The following NR2C1 variants were observed in gnomAD, a reference collection of about 807,000 sequenced individuals.
NR2C1 encodes the protein nuclear receptor subfamily 2 group C member 1.
Under a neutral mutation model 74.8 loss-of-function variants are expected in NR2C1, and 33 were observed. The ratio of observed to expected loss-of-function variants is 0.44; its 90% CI spans 0.33 to 0.59. The LOEUF is 0.59. Among genes scored for constraint, NR2C1 ranks in the 20% least tolerant of loss-of-function variants. The pLI is 0.02. For missense variants in NR2C1, 568 were observed against 715.6 expected, an observed-to-expected ratio of 0.79 and a Z score of 2.35; for synonymous variants, 225 against 240.6, an observed-to-expected ratio of 0.94 and a Z score of 0.60.
intron 11 of NR2C1, chr12:95,030,270 G>A: frequency 3.9e-6 from 1 of 259,442 alleles, no homozygotes; most frequent in Admixed American, 5.2e-5. Flanking sequence ...CTCAAATTTT[G>A]GTAATAGGAT....
intron 11 of NR2C1, among the ~76,000 whole-genome samples, chr12:95,031,143 T>C (rs1870047657): frequency 1.3e-5 from 2 of 152,196 alleles, no homozygotes; most frequent in Admixed American, 6.5e-5. Context: ...AAGTATACTG[T>C]TTTCAATTTT....
At chr12:95,032,689 T>C (rs1044877372) in intron 10 of NR2C1, among the ~76,000 whole-genome samples, 3 of 152,056 alleles carry the variant, frequency 2.0e-5, no homozygotes, top group African/African-American at 2.4e-5. Flanking sequence ...TAGCTGGGGC[T>C]GGGCGCAGTA....
intron 9 of NR2C1, among the ~76,000 whole-genome samples, chr12:95,046,722 G>C (rs1872363675): frequency 2.6e-5 from 4 of 152,178 alleles, no homozygotes; most frequent in Admixed American, 2.6e-4. Flanking sequence ...ATTCAGCTCA[G>C]CAAGTAAGAA....
At chr12:95,064,159 C>G (rs374169310) in intron 2 of NR2C1, among the ~76,000 whole-genome samples, 28 of 147,568 alleles carry the variant, frequency 1.9e-4, no homozygotes, top group Admixed American at 4.8e-4. Flanking sequence ...GAAATCCCGT[C>G]TCTACTAAAA....
At chr12:95,057,955 T>A in intron 5 of NR2C1, 77 bp from the exon 6 acceptor site, 1 of 1,198,262 alleles carries the variant, frequency 8.3e-7, no homozygotes, top group Non-Finnish European at 1.2e-6. Flanking sequence ...TAGGTAAGCT[T>A]AATGCTGCTA....
chr12:95,029,411 T>C (rs1565833886), intron 11 of NR2C1, among the ~76,000 whole-genome samples: 1 of 152,106 alleles, frequency 6.6e-6, no homozygotes, highest in South Asian at 2.1e-4. Flanking sequence ...AAAAGTACTT[T>C]TAAAAAATGA....
chr12:95,069,255 G>C (rs898269820), intron 1 of NR2C1, among the ~76,000 whole-genome samples: 1 of 152,168 alleles, frequency 6.6e-6, no homozygotes, highest in African/African-American at 2.4e-5. Context: ...TGAAAACTTA[G>C]GGAGATAAAC....
intron 10 of NR2C1, among the ~76,000 whole-genome samples, chr12:95,039,356 C>T (rs1050145693): frequency 1.3e-5 from 2 of 152,112 alleles, no homozygotes; most frequent in East Asian, 3.8e-4. Flanking sequence ...AATTATTATT[C>T]CCATTTGGCA....
Position 95,022,413 on chromosome 12 carries a change from G to C in NR2C1, c.1638-10C>G. The C allele has an allele frequency of 6.3e-7, 1 of 1,587,276 alleles. No individual in the cohort carries two copies. Among genetic ancestry groups the C allele is most frequent in the South Asian group, 1.2e-5 (1 of 85,882 alleles). On this transcript the variant is annotated splice_polypyrimidine_tract_variant and intron_variant, in intron 13 of 13. Transcript: ENST00000333003. Reference sequence around the variant, plus strand: ...TAGTAGTCTGGATAACCTAAAAAAAGAAAGAAAAAAGGGAGAGGAACAAGG... The same window carrying C: ...TAGTAGTCTGGATAACCTAAAAAAACAAAGAAAAAAGGGAGAGGAACAAGG...
At chr12:95,057,984 A>G (rs2136178133) in intron 5 of NR2C1, 106 bp from the exon 6 acceptor site, 2 of 933,420 alleles carry the variant, frequency 2.1e-6, no homozygotes, top group South Asian at 1.7e-5. Context: ...CATGGCTACC[A>G]TACTAAACTC....
intron 10 of NR2C1, among the ~76,000 whole-genome samples, chr12:95,034,244 T>C (rs1421737260): frequency 6.6e-6 from 1 of 152,170 alleles, no homozygotes; most frequent in African/African-American, 2.4e-5. Flanking sequence ...CTCTTTTCCA[T>C]TCAGTATCCA....
chr12:95,064,328 C>CAAA (rs35375374), intron 2 of NR2C1, among the ~76,000 whole-genome samples: 35 of 107,954 alleles, frequency 3.2e-4, no homozygotes, highest in African/African-American at 1.1e-3. Flanking sequence ...GAGTCTGTCT[C>CAAA]AAAAAAAAAA....
chr12:95,040,088 C>T (rs1353855708), intron 10 of NR2C1, among the ~76,000 whole-genome samples: 1 of 151,888 alleles, frequency 6.6e-6, no homozygotes, highest in African/African-American at 2.4e-5. Context: ...CAAAATTCAG[C>T]TCTTTAGTAA....
intron 13 of NR2C1, among the ~76,000 whole-genome samples, chr12:95,024,297 T>G (rs1456571090): frequency 6.6e-6 from 1 of 152,214 alleles, no homozygotes; most frequent in Non-Finnish European, 1.5e-5. Flanking sequence ...TGTACATATA[T>G]TAACTGATTT....
In NR2C1 at chr12:95,067,076, T is replaced by TTTCC. The variant is rs201216692; in HGVS notation, c.54+251_54+254dup. ...ACTCACTCTACAGCTCTTTAATTTCTTTCCTTCCTTCCTTCCCTTCATTCC... is the reference window on the plus strand; with the variant it reads ...ACTCACTCTACAGCTCTTTAATTTCTTTCCTTCCTTCCTTCCTTCCCTTCATTCC... On this transcript the variant is annotated intron_variant, in intron 2 of 13. Coordinates refer to ENST00000333003, the MANE Select transcript of NR2C1 (RefSeq NM_003297.4). The TTTCC allele has an allele frequency of 4.3e-3, 2,268 of 521,550 alleles. 34 individuals carry two copies. The highest frequency in any genetic ancestry group is 0.041 in the African/African-American group (2,080 of 50,842). The allele number at this position is 521,550 out of a possible 1,614,324, so 32.3% of individuals were successfully genotyped here. A position where few individuals can be genotyped will look rare whatever the true frequency, so the allele number is the denominator to read the frequency against.
Position 95,025,212 on chromosome 12 carries a change from C to T in NR2C1, c.1575G>A (p.Gln525=), listed in dbSNP as rs776979510. The change falls in exon 13 of 14, where the codon CAG becomes CAA. Residue 525 remains glutamine (Q), a synonymous_variant. Coordinates refer to ENST00000333003, the MANE Select transcript of NR2C1 (RefSeq NM_003297.4). ...CTTGGAATTCCACATAAGCCTTTTC[C>T]TGAAATTTCTCTATCTGTTCCATGT... ...LENMEQIEKF[Q]EKAYVEFQDY... 6 of 1,607,178 alleles carry T rather than the reference C, an allele frequency of 3.7e-6. No homozygotes were observed. The Admixed American group carries it at 8.4e-5, about 22-fold the overall frequency.
chr12:95,063,561 G>A (rs762762302), intron 2 of NR2C1, among the ~76,000 whole-genome samples: 2 of 152,076 alleles, frequency 1.3e-5, no homozygotes, highest in Middle Eastern at 3.4e-3. Context: ...AAAGGAATCA[G>A]ACAGGCACAG....
At position 95,057,098 on chromosome 12, in the gene NR2C1, ATTTTTTT is replaced by A. The variant is rs1184465413; in HGVS notation, c.783+448_783+454del. Among the ~76,000 whole-genome samples the A allele has an allele frequency of 1.4e-3, 155 of 111,554 alleles. 1 individual carries two copies. Among genetic ancestry groups the A allele is most frequent in the African/African-American group, 4.6e-3 (135 of 29,196 alleles). 73.2% of individuals were successfully genotyped at this position (111,554 alleles called of 152,430 possible). ...CCTAGTGAAATTATGAACATTTCTGATTTTTTTTTTTTTTTTTTTTTTTGAGACAGAG... is the reference window on the plus strand; with the variant it reads ...CCTAGTGAAATTATGAACATTTCTGATTTTTTTTTTTTTTTTGAGACAGAG... On this transcript the variant is annotated intron_variant, in intron 7 of 13. Coordinates refer to ENST00000333003, the MANE Select transcript of NR2C1 (RefSeq NM_003297.4).
chr12:95,028,281 C>A lies in NR2C1; in HGVS notation c.1531+106G>T. On this transcript the variant is annotated intron_variant, in intron 12 of 13. Transcript: ENST00000333003. The stretch of plus-strand genomic sequence containing the variant: ...TTTGAAGAACTACTGAACTCTTTTC[C>A]CAGGTAACTGCACCATTTTACATCC... 3.5e-6 allele frequency: 3 copies of A among 859,476 alleles called. 1 individual carries two copies. The highest frequency in any genetic ancestry group is 5.3e-6 in the Non-Finnish European group (3 of 563,208). 53.2% of individuals were successfully genotyped at this position (859,476 alleles called of 1,614,324 possible).
Sources: gnomAD v4.1 joint callset for allele counts (sites outside exome capture counted in the v4.1 genomes callset) on GRCh38, gnomAD v4.1.1 for gene constraint, MANE v1.5 for transcripts, NCBI Gene and HGNC (gene_info 2026-07-23, HGNC 2026-07-21) for gene names.